Variants in RARS1 observed in about 807,000 individuals in gnomAD.
The protein encoded by RARS1 is arginyl-tRNA synthetase 1, also known as arginine--tRNA ligase, cytoplasmic.
A neutral mutation model predicts 78.7 loss-of-function variants in RARS1; 75 were observed. The ratio of observed to expected loss-of-function variants is 0.95; its 90% CI spans 0.79 to 1.15. The LOEUF is 1.15. RARS1 is among the 50% of genes most tolerant of loss of function. The pLI, the probability that RARS1 is intolerant of heterozygous loss-of-function variation, is 0.00. For synonymous variants in RARS1, 273 were observed against 268.2 expected (o/e 1.02, Z -0.18); for missense variants, 787 against 787.5 (o/e 1.00, Z 0.01).
chr5:168,488,254 A>G (rs998348537), intron 1 of RARS1: 1 of 357,140 alleles, frequency 2.8e-6, no homozygotes, highest in Non-Finnish European at 5.5e-6. Context: ...CAGCCTCCCA[A>G]GTAGCTAGGA....
At chr5:168,494,956 G>A (rs1758153284) in intron 5 of RARS1, 1 of 328,666 alleles carries the variant, frequency 3.0e-6, no homozygotes, top group African/African-American at 2.2e-5. Flanking sequence ...TTGAGATTAT[G>A]AACATTTATG....
intron 4 of RARS1, 55 bp from the exon 5 acceptor site, chr5:168,494,495 G>T: frequency 1.9e-6 from 3 of 1,597,424 alleles, no homozygotes; most frequent in South Asian, 2.2e-5. Context: ...CCTTAGGAGC[G>T]AGTGATTATT....
chr5:168,494,396 G>GAGCTTACAAGACAGC, intron 4 of RARS1, 154 bp from the exon 5 acceptor site: 1 of 985,420 alleles, frequency 1.0e-6, no homozygotes, highest in Non-Finnish European at 1.2e-6. Flanking sequence ...GGTGAGACAG[G>GAGCTTACAAGACAGC]AGCTTACAAG....
chr5:168,505,532 A>G (rs1280105330), intron 9 of RARS1, among the ~76,000 whole-genome samples: 2 of 152,078 alleles, frequency 1.3e-5, no homozygotes, highest in Non-Finnish European at 2.9e-5. Context: ...CTTGAAAGCA[A>G]AGCAGATTTT....
intron 1 of RARS1, chr5:168,488,179 G>C: frequency 2.6e-6 from 1 of 384,346 alleles, no homozygotes; most frequent in Non-Finnish European, 5.1e-6. Flanking sequence ...GCAGACTGGA[G>C]TGCAGTGGCA....
In RARS1 at chr5:168,506,212, A is replaced by G; in HGVS notation, c.1236+13A>G. On this transcript the variant is annotated intron_variant, in intron 10 of 14. Coordinates refer to ENST00000231572, the MANE Select transcript of RARS1 (RefSeq NM_002887.4). ...GGACAATGGACAAGTGAGTTTGTAA[A>G]TTTGTATGTGTTTTACATTGACTGA... 6.5e-7 allele frequency: 1 copy of G among 1,532,638 alleles called. No individual in the cohort carries two copies. 94.9% of individuals were successfully genotyped at this position (1,532,638 alleles called of 1,614,324 possible). A position where few individuals can be genotyped will look rare whatever the true frequency, so the allele number is the denominator to read the frequency against.
At chr5:168,515,640 C>T (rs1758651136) in intron 12 of RARS1, among the ~76,000 whole-genome samples, 1 of 152,196 alleles carries the variant, frequency 6.6e-6, no homozygotes, top group African/African-American at 2.4e-5. Context: ...TGGCCTTATG[C>T]TTCTTTAGGG....
chr5:168,514,808 C>G lies in RARS1; in HGVS notation c.1453-1970C>G, dbSNP rs562844579. Among the ~76,000 whole-genome samples the G allele has an allele frequency of 2.6e-5, 4 of 152,304 alleles. No individual in the cohort carries two copies. In the South Asian group the frequency reaches 8.3e-4, roughly 32 times the overall value. On this transcript the variant is annotated intron_variant, in intron 12 of 14. Transcript: ENST00000231572. ...TTACATTTAGTTATCATGTCTCCTT[C>G]TCTTTAATCTGGGCAGTTAGTTCCT...
rs1758409892 is a variant in RARS1 at position 168,505,093 on chromosome 5, C to T, written c.1058-928C>T. Among the ~76,000 whole-genome samples the T allele has an allele frequency of 3.3e-5, 5 of 152,178 alleles. No individual in the cohort carries two copies. In the South Asian group the frequency reaches 6.2e-4, roughly 19 times the overall value. ...AGGGTCACATAGCTAATAAGCGATA[C>T]GTCTGAGATTCAAACCTAGCCAGTC... On this transcript the variant is annotated intron_variant, in intron 9 of 14. Transcript: ENST00000231572.
At chr5:168,500,515 G>A in intron 7 of RARS1, 76 bp from the exon 8 acceptor site, 2 of 1,306,448 alleles carry the variant, frequency 1.5e-6, no homozygotes, top group Non-Finnish European at 2.0e-6. Context: ...GTGTAGAAAT[G>A]TGTAAGTTCT....
intron 9 of RARS1, among the ~76,000 whole-genome samples, chr5:168,502,932 C>G (rs1423300929): frequency 6.6e-6 from 1 of 152,116 alleles, no homozygotes; most frequent in Non-Finnish European, 1.5e-5. Flanking sequence ...AGGTTTCTCC[C>G]TCTTTTTAAA....
In RARS1 at chr5:168,497,277, C is replaced by T; in HGVS notation, c.751C>T (p.His251Tyr). 1 of 1,591,560 alleles carries T rather than the reference C, an allele frequency of 6.3e-7. No homozygotes were observed. Among genetic ancestry groups the T allele is most frequent in the East Asian group, 2.3e-5 (1 of 44,232 alleles). ...GACCCAGTTTGGCATGCTCATCGCT[C>T]ACCTGCAAGACAAATTTCCAGATTA... is the stretch of plus-strand genomic sequence containing the variant. ...WGTQFGMLIA[H>Y]LQDKFPDYLT... Residue 251 changes from histidine (H) to tyrosine (Y), a missense_variant, in exon 7 of 15, where the codon CAC becomes TAC. By Grantham distance (83) the His-to-Tyr change is moderately conservative (BLOSUM62 2). Coordinates refer to ENST00000231572, the MANE Select transcript of RARS1 (RefSeq NM_002887.4).
chr5:168,494,997 G>A lies in RARS1; in HGVS notation c.580-318G>A, dbSNP rs1371963751. On this transcript the variant is annotated intron_variant, in intron 5 of 14. Transcript: ENST00000231572. The stretch of plus-strand genomic sequence containing the variant: ...GCCTTTCCCCTGGGTCTAGCATGTT[G>A]TGTGATTTTTTTTTTTTTTCACTTA... The A allele has an allele frequency of 9.0e-6, 3 of 332,602 alleles. No homozygotes were observed. In the Admixed American group the frequency reaches 1.4e-4, roughly 15 times the overall value. The allele number at this position is 332,602 out of a possible 1,614,324, so 20.6% of individuals were successfully genotyped here. A position where few individuals can be genotyped will look rare whatever the true frequency, so the allele number is the denominator to read the frequency against.
intron 11 of RARS1, 115 bp downstream of exon 11, chr5:168,506,946 C>A (rs942615341): frequency 2.4e-6 from 2 of 824,476 alleles, no homozygotes; most frequent in Non-Finnish European, 3.9e-6. Context: ...TCCACATAAG[C>A]TATAATGGTG....
chr5:168,495,383 CATAGG>C lies in RARS1; in HGVS notation c.650_654del (p.Ile217ArgfsTer8). ...ATGTAGGCCACCTGAGGTCAACTAT[CATAGG>C]AGAGAGTATAAGCCGCCTCTTTGAA... On this transcript the variant is annotated frameshift_variant, in exon 6 of 15. Transcript: ENST00000231572. LOFTEE classifies it high-confidence loss of function. 1.2e-6 allele frequency: 2 copies of C among 1,614,044 alleles called. No homozygotes were observed. Among genetic ancestry groups the C allele is most frequent in the Non-Finnish European group, 1.7e-6 (2 of 1,179,962 alleles).
intron 11 of RARS1, 39 bp from the exon 12 acceptor site, chr5:168,510,542 T>C: frequency 1.4e-6 from 2 of 1,458,350 alleles, no homozygotes; most frequent in Non-Finnish European, 1.9e-6. Context: ...AGTTGAAAAG[T>C]CTGTTTCAAA....
At chr5:168,517,055 C>T (rs1758680254) in intron 13 of RARS1, 105 bp downstream of exon 13, 2 of 1,197,800 alleles carry the variant, frequency 1.7e-6, no homozygotes, top group Non-Finnish European at 2.3e-6. Context: ...GGGTCTTGGG[C>T]TCAAATGATC....
intron 12 of RARS1, 122 bp downstream of exon 12, chr5:168,510,808 G>A (rs971874122): frequency 3.4e-6 from 2 of 588,194 alleles, no homozygotes; most frequent in Non-Finnish European, 5.8e-6. Flanking sequence ...GGCTTATATT[G>A]CTCTGACTTT....
rs143849735 is a variant in RARS1 at position 168,505,559 on chromosome 5, C to T, written c.1058-462C>T. 1.9e-3 allele frequency among the ~76,000 whole-genome samples: 286 copies of T among 152,060 alleles called. 2 individuals carry two copies. Among genetic ancestry groups the T allele is most frequent in the African/African-American group, 6.5e-3 (268 of 41,492 alleles). ...GCAGATTTTCATGTTCTGGTCCTACCGAGCTGATGGGTTCCAACTAAAGAG... is the reference window on the plus strand; with the variant it reads ...GCAGATTTTCATGTTCTGGTCCTACTGAGCTGATGGGTTCCAACTAAAGAG... On this transcript the variant is annotated intron_variant, in intron 9 of 14. Coordinates refer to ENST00000231572, the MANE Select transcript of RARS1 (RefSeq NM_002887.4).
Sources: gnomAD v4.1 joint callset for allele counts (sites outside exome capture counted in the v4.1 genomes callset) on GRCh38, gnomAD v4.1.1 for gene constraint, MANE v1.5 for transcripts, NCBI Gene and HGNC (gene_info 2026-07-23, HGNC 2026-07-21) for gene names.